TYMS: variants seen among roughly 807,000 people sequenced by gnomAD.
TYMS encodes the protein thymidylate synthase.
A neutral mutation model predicts 39.3 loss-of-function variants in TYMS; 21 were observed. That is an observed-to-expected ratio of 0.54 (90% CI 0.38 to 0.77). TYMS has a LOEUF of 0.77. Among genes scored for constraint, TYMS ranks in the 30% least tolerant of loss-of-function variants. The pLI, the probability that TYMS is intolerant of heterozygous loss-of-function variation, is 0.00. For synonymous variants in TYMS, 171 were observed against 162.2 expected, an observed-to-expected ratio of 1.05 and a Z score of -0.41; for missense variants, 273 against 406.7, an observed-to-expected ratio of 0.67 and a Z score of 2.83.
At chr18:663,996 G>T (rs2074782515) in intron 3 of TYMS, among the ~76,000 whole-genome samples, 1 of 99,386 alleles carries the variant, frequency 1.0e-5, no homozygotes. Flanking sequence ...ACTTGGCGAT[G>T]TGGGCTCTTT....
chr18:673,168 C>G lies in TYMS; in HGVS notation c.*171C>G, dbSNP rs1280565122. On this transcript the variant is annotated 3_prime_UTR_variant, in exon 7 of 7. Transcript: ENST00000323274. ...TTGCCACTGGCAAATGTAACTGTGC[C>G]AGTTCTTTCCATAATAAAAGGCTTT... 6 of 615,206 alleles carry G rather than the reference C, an allele frequency of 9.8e-6. No individual in the cohort carries two copies. Among genetic ancestry groups the G allele is most frequent in the Admixed American group, 3.2e-5 (1 of 31,462 alleles). 38.1% of individuals were successfully genotyped at this position (615,206 alleles called of 1,614,324 possible).
intron 2 of TYMS, among the ~76,000 whole-genome samples, chr18:661,869 C>T (rs1389503608): frequency 1.3e-5 from 2 of 152,258 alleles, no homozygotes; most frequent in Non-Finnish European, 2.9e-5. Context: ...CCTGTAATCC[C>T]AGCTACTCGG....
At chr18:667,613 A>ATGGT (rs2074883204) in intron 3 of TYMS, 1 of 97,558 alleles carries the variant, frequency 1.0e-5, no homozygotes, top group Non-Finnish European at 2.0e-5. Flanking sequence ...ATGGTGATGG[A>ATGGT]GATGGGTGAT....
At chr18:668,149 G>T (rs148235072) in intron 3 of TYMS, among the ~76,000 whole-genome samples, 1 of 151,982 alleles carries the variant, frequency 6.6e-6, no homozygotes. Context: ...ACTTGTGTAT[G>T]TGTGTATTTG....
chr18:671,326 G>A (rs2075041268), intron 5 of TYMS, 54 bp from the exon 6 acceptor site: 1 of 1,161,526 alleles, frequency 8.6e-7, no homozygotes, highest in Non-Finnish European at 1.3e-6. Flanking sequence ...TTTAAATGAT[G>A]TTTTAAAGAA....
intron 5 of TYMS, 32 bp downstream of exon 5, chr18:670,899 C>T: frequency 1.9e-6 from 3 of 1,610,992 alleles, no homozygotes; most frequent in South Asian, 2.2e-5. Context: ...GACTTGCCAG[C>T]CTACCACACT....
chr18:662,949 A>G (rs1239278308), intron 3 of TYMS, among the ~76,000 whole-genome samples: 1 of 147,364 alleles, frequency 6.8e-6, no homozygotes, highest in Non-Finnish European at 1.5e-5. Context: ...AGTCTTTGCT[A>G]TTGTGAATAG....
Position 660,752 on chromosome 18 carries a change from C to T in TYMS, c.279+1038C>T, listed in dbSNP as rs779955914. Among the ~76,000 whole-genome samples the T allele has an allele frequency of 9.9e-5, 15 of 152,192 alleles. No homozygotes were observed. Among genetic ancestry groups the T allele is most frequent in the Non-Finnish European group, 1.8e-4 (12 of 68,036 alleles). ...CTGTGTTCCGTGTCCTGGTCTAGAA[C>T]CAGCGATGTTCTTTCTGACCAGTGC... is the stretch of plus-strand genomic sequence containing the variant. On this transcript the variant is annotated intron_variant, in intron 2 of 6. Transcript: ENST00000323274. The surrounding 1 kb of genome is among the most constrained non-coding windows in gnomAD (Gnocchi z 4.6).
In TYMS at chr18:673,108, G is replaced by A; in HGVS notation, c.*111G>A. 8.5e-7 allele frequency: 1 copy of A among 1,174,954 alleles called. No homozygotes were observed. Among genetic ancestry groups the A allele is most frequent in the South Asian group, 2.3e-5 (1 of 42,810 alleles). 72.8% of individuals were successfully genotyped at this position (1,174,954 alleles called of 1,614,324 possible). A position where few individuals can be genotyped will look rare whatever the true frequency, so the allele number is the denominator to read the frequency against. ...GAAAAAGGAACTAGGTCAAAAATCTGTCCGTGACCTATCAGTTATTAATTT... is the reference window on the plus strand; with the variant it reads ...GAAAAAGGAACTAGGTCAAAAATCTATCCGTGACCTATCAGTTATTAATTT... On this transcript the variant is annotated 3_prime_UTR_variant, in exon 7 of 7. Transcript: ENST00000323274.
At chr18:666,333 C>A (rs2074815349) in intron 3 of TYMS, among the ~76,000 whole-genome samples, 2 of 151,988 alleles carry the variant, frequency 1.3e-5, no homozygotes, top group African/African-American at 4.8e-5. Flanking sequence ...GAGGCTGAGC[C>A]ACAGCGTGCT....
At position 658,089 on chromosome 18, in the gene TYMS, C is replaced by G. The variant is rs1048796379; in HGVS notation, c.205+142C>G. 1.3e-6 allele frequency: 2 copies of G among 1,581,208 alleles called. No homozygotes were observed. The highest frequency in any genetic ancestry group is 1.7e-4 in the Middle Eastern group (1 of 6,034). On this transcript the variant is annotated intron_variant, in intron 1 of 6. Transcript: ENST00000323274. The surrounding 1 kb of genome is among the most constrained non-coding windows in gnomAD (Gnocchi z 4.5). ...GAGGGAGGGGACGCATCGTCCTCCT[C>G]GCCTTACAGACGCCGAAACGGAGGG... is the stretch of plus-strand genomic sequence containing the variant.
chr18:669,449 T>C, intron 4 of TYMS: 2 of 283,678 alleles, frequency 7.1e-6, no homozygotes, highest in Non-Finnish European at 1.4e-5. Flanking sequence ...CTTGGCTCAC[T>C]GTAACCTCTG....
Position 673,190 on chromosome 18 carries a change from C to T in TYMS, c.*193C>T. On this transcript the variant is annotated 3_prime_UTR_variant, in exon 7 of 7. Transcript: ENST00000323274. ...TGCCAGTTCTTTCCATAATAAAAGG[C>T]TTTGAGTTAACTCACTGAGGGTATC... The T allele has an allele frequency of 2.0e-6, 1 of 512,480 alleles. No homozygotes were observed. Among genetic ancestry groups the T allele is most frequent in the Non-Finnish European group, 3.2e-6 (1 of 310,438 alleles). The allele number at this position is 512,480 out of a possible 1,614,324, so 31.7% of individuals were successfully genotyped here.
At chr18:671,492 C>T (rs745511919) in intron 6 of TYMS, 41 bp downstream of exon 6, 1 of 1,309,628 alleles carries the variant, frequency 7.6e-7, no homozygotes, top group South Asian at 1.2e-5. Flanking sequence ...GGTACCTTCT[C>T]TTGATAAAAG....
At position 658,934 on chromosome 18, in the gene TYMS, T is replaced by G. The variant is rs1207452518; in HGVS notation, c.206-707T>G. 6.6e-6 allele frequency among the ~76,000 whole-genome samples: 1 copy of G among 152,222 alleles called. No homozygotes were observed. The highest frequency in any genetic ancestry group is 1.5e-5 in the Non-Finnish European group (1 of 68,030). ...ATACATAGCAGCTGCTGTGGCTGAT[T>G]GGCGTGGGACAGCGTGGGGAGTTTT... On this transcript the variant is annotated intron_variant, in intron 1 of 6. Coordinates refer to ENST00000323274, the MANE Select transcript of TYMS (RefSeq NM_001071.4). The surrounding 1 kb of genome is among the most constrained non-coding windows in gnomAD (Gnocchi z 4.5).
At chr18:659,045 T>C (rs1315470197) in intron 1 of TYMS, among the ~76,000 whole-genome samples, 1 of 152,234 alleles carries the variant, frequency 6.6e-6, no homozygotes, top group Non-Finnish European at 1.5e-5. Context: ...CCCACCTTTC[T>C]GCTTAGACAT....
chr18:661,625 G>A (rs1300276536), intron 2 of TYMS, among the ~76,000 whole-genome samples: 1 of 152,232 alleles, frequency 6.6e-6, no homozygotes, highest in Non-Finnish European at 1.5e-5. Flanking sequence ...TGGGAGGGTG[G>A]TTCCAAAGAA....
At position 658,202 on chromosome 18, in the gene TYMS, C is replaced by T. The variant is rs1458903673; in HGVS notation, c.205+255C>T. ...GCGTCCCAGCGGCTCCGCGGCCGGG[C>T]TCGCAGTCGCCCCAGTGATGCCGTG... is the stretch of plus-strand genomic sequence containing the variant. On this transcript the variant is annotated intron_variant, in intron 1 of 6. Transcript: ENST00000323274. This position sits in a 1 kb window ranked among gnomAD's most constrained non-coding sequence, Gnocchi z 4.5. 5.2e-6 allele frequency: 8 copies of T among 1,530,380 alleles called. No individual in the cohort carries two copies. The highest frequency in any genetic ancestry group is 7.1e-6 in the Non-Finnish European group (8 of 1,133,940). 94.8% of individuals were successfully genotyped at this position (1,530,380 alleles called of 1,614,324 possible).
At position 658,233 on chromosome 18, in the gene TYMS, C is replaced by G. The variant is rs773848513; in HGVS notation, c.205+286C>G. The G allele has an allele frequency of 6.7e-7, 1 of 1,499,250 alleles. No homozygotes were observed. Among genetic ancestry groups the G allele is most frequent in the Non-Finnish European group, 9.0e-7 (1 of 1,113,562 alleles). 92.9% of individuals were successfully genotyped at this position (1,499,250 alleles called of 1,614,324 possible). A position where few individuals can be genotyped will look rare whatever the true frequency, so the allele number is the denominator to read the frequency against. On this transcript the variant is annotated intron_variant, in intron 1 of 6. Coordinates refer to ENST00000323274, the MANE Select transcript of TYMS (RefSeq NM_001071.4). This position sits in a 1 kb window ranked among gnomAD's most constrained non-coding sequence, Gnocchi z 4.5. ...GTCGCCCCAGTGATGCCGTGGCCCCCGAGGCGGGCGTCATCGGGCAGCGTT... is the reference window on the plus strand; with the variant it reads ...GTCGCCCCAGTGATGCCGTGGCCCCGGAGGCGGGCGTCATCGGGCAGCGTT...
Sources: allele counts gnomAD v4.1 joint callset (sites outside exome capture counted in the v4.1 genomes callset), GRCh38; gene constraint gnomAD v4.1.1; non-coding constraint Gnocchi (gnomAD v3.1); transcripts MANE v1.5; gene names NCBI Gene and HGNC (gene_info 2026-07-23, HGNC 2026-07-21).